Variants in SKAP1 observed in about 807,000 individuals in gnomAD.
The protein encoded by SKAP1 is src kinase associated phosphoprotein 1.
SKAP1 carries 44 observed loss-of-function variants against 58.5 expected under a neutral mutation model. The ratio of observed to expected loss-of-function variants is 0.75; its 90% CI spans 0.59 to 0.97. The LOEUF (loss-of-function observed/expected upper bound fraction) is 0.97, where lower values mean the gene tolerates loss of function less well. SKAP1 is among the 50% of genes least tolerant of loss of function. The probability of loss-of-function intolerance (pLI) is 0.00; values close to 1 mark genes in which losing one functional copy is unlikely to be tolerated. For missense variants in SKAP1, 390 were observed against 435.2 expected (o/e 0.90, Z 0.92); for synonymous variants, 127 against 149.7 (o/e 0.85, Z 1.11).
At position 48,300,450 on chromosome 17, in the gene SKAP1, G is replaced by A. The variant is rs562800136; in HGVS notation, c.280+45455C>T. Among the ~76,000 whole-genome samples the A allele has an allele frequency of 6.6e-5, 10 of 152,144 alleles. No individual in the cohort carries two copies. The South Asian group carries it at 2.1e-3, about 32-fold the overall frequency. On this transcript the variant is annotated intron_variant, in intron 4 of 12. Transcript: ENST00000336915. Reference sequence around the variant, plus strand: ...TTTGAGGACAGAAATTCCTACTTTTGTTGTGCTTCTGTGAATGTGATACTT... The same window carrying A: ...TTTGAGGACAGAAATTCCTACTTTTATTGTGCTTCTGTGAATGTGATACTT...
At chr17:48,186,790 C>T (rs1412352520) in intron 6 of SKAP1, among the ~76,000 whole-genome samples, 2 of 152,196 alleles carry the variant, frequency 1.3e-5, no homozygotes, top group East Asian at 1.9e-4. Context: ...GTTCTTTCCA[C>T]TACCTTAGTG....
At chr17:48,260,544 A>C (rs1201127572) in intron 4 of SKAP1, among the ~76,000 whole-genome samples, 1 of 152,198 alleles carries the variant, frequency 6.6e-6, no homozygotes, top group Non-Finnish European at 1.5e-5. Context: ...AGGGTCATTA[A>C]GTTGTATTAT....
At chr17:48,215,841 T>C (rs1403432805) in intron 4 of SKAP1, among the ~76,000 whole-genome samples, 1 of 152,094 alleles carries the variant, frequency 6.6e-6, no homozygotes, top group African/African-American at 2.4e-5. Context: ...CTGGTTCTAA[T>C]TGGAGACAGT....
chr17:48,368,550 A>C (rs1472686072), intron 2 of SKAP1, among the ~76,000 whole-genome samples: 1 of 152,222 alleles, frequency 6.6e-6, no homozygotes, highest in East Asian at 1.9e-4. Flanking sequence ...GATAACAAAC[A>C]CTTCTTTAAT....
At chr17:48,270,396 T>G (rs2065612817) in intron 4 of SKAP1, among the ~76,000 whole-genome samples, 1 of 151,970 alleles carries the variant, frequency 6.6e-6, no homozygotes, top group Non-Finnish European at 1.5e-5. Context: ...GAGGCTGGAG[T>G]GCAGGGGTGG....
At chr17:48,192,225 CAT>C (rs572381794) in intron 4 of SKAP1, among the ~76,000 whole-genome samples, 135 of 151,740 alleles carry the variant, frequency 8.9e-4, no homozygotes, top group Non-Finnish European at 1.5e-3. Context: ...AAATGAAAGA[CAT>C]AGGGAGATGA....
chr17:48,326,213 T>C (rs1445997796), intron 4 of SKAP1, among the ~76,000 whole-genome samples: 2 of 152,246 alleles, frequency 1.3e-5, no homozygotes, highest in Admixed American at 1.3e-4. Flanking sequence ...TACATCCTGC[T>C]CTTTGCCAGA....
At chr17:48,171,342 A>G (rs1598392851) in intron 9 of SKAP1, among the ~76,000 whole-genome samples, 1 of 150,924 alleles carries the variant, frequency 6.6e-6, no homozygotes, top group Non-Finnish European at 1.5e-5. Flanking sequence ...CTGACCTCAG[A>G]TGATCCGCCC....
intron 11 of SKAP1, among the ~76,000 whole-genome samples, chr17:48,161,749 C>A (rs1293574995): frequency 6.6e-6 from 1 of 152,086 alleles, no homozygotes; most frequent in African/African-American, 2.4e-5. Flanking sequence ...TGACTCCTCC[C>A]CCATACATAA....
chr17:48,439,964 T>C, the SKAP1 span, among the ~76,000 whole-genome samples: 27 of 152,330 alleles, frequency 1.8e-4, no homozygotes, highest in Non-Finnish European at 3.5e-4. Context: ...ACCTTCCTGT[T>C]AGAGACAGGT....
intron 4 of SKAP1, among the ~76,000 whole-genome samples, chr17:48,334,024 A>G (rs930530776): frequency 2.0e-5 from 3 of 151,960 alleles, no homozygotes; most frequent in Non-Finnish European, 2.9e-5. Flanking sequence ...TTCAGTTTCA[A>G]TTATATGATA....
intron 4 of SKAP1, among the ~76,000 whole-genome samples, chr17:48,332,746 C>A (rs1443721083): frequency 1.3e-5 from 2 of 152,046 alleles, no homozygotes; most frequent in Non-Finnish European, 2.9e-5. Context: ...AAAAATAAAA[C>A]CCACACTACT....
chr17:48,202,020 G>A (rs1400742427), intron 4 of SKAP1, among the ~76,000 whole-genome samples: 2 of 152,242 alleles, frequency 1.3e-5, no homozygotes, highest in East Asian at 1.9e-4. Flanking sequence ...AACATCTTAT[G>A]TGTGTCTGAG....
intron 9 of SKAP1, among the ~76,000 whole-genome samples, chr17:48,172,340 A>T (rs1186371838): frequency 6.6e-6 from 1 of 152,180 alleles, no homozygotes; most frequent in Non-Finnish European, 1.5e-5. Flanking sequence ...AAATGTTTAT[A>T]CGGTCAAAGT....
At chr17:48,304,633 C>T (rs952596153) in intron 4 of SKAP1, among the ~76,000 whole-genome samples, 3 of 152,170 alleles carry the variant, frequency 2.0e-5, no homozygotes, top group African/African-American at 7.2e-5. Context: ...AATGAAACAT[C>T]TTTCTCAAAA....
At chr17:48,159,355 A>G (rs2064036969) in intron 11 of SKAP1, among the ~76,000 whole-genome samples, 1 of 152,202 alleles carries the variant, frequency 6.6e-6, no homozygotes, top group Non-Finnish European at 1.5e-5. Context: ...ACAGGTGAAG[A>G]AACAAGTCCA....
intron 4 of SKAP1, among the ~76,000 whole-genome samples, chr17:48,233,945 C>T (rs975587310): frequency 6.6e-6 from 1 of 152,114 alleles, no homozygotes; most frequent in African/African-American, 2.4e-5. Flanking sequence ...ACAAGAGTTC[C>T]AAGTTGTTTG....
At chr17:48,399,204 T>C (rs1175158501) in intron 1 of SKAP1, among the ~76,000 whole-genome samples, 1 of 152,188 alleles carries the variant, frequency 6.6e-6, no homozygotes, top group African/African-American at 2.4e-5. Flanking sequence ...CTAGGGTCCT[T>C]TGAATGCTAA....
At chr17:48,406,121 C>T (rs1459201987) in intron 1 of SKAP1, among the ~76,000 whole-genome samples, 5 of 151,572 alleles carry the variant, frequency 3.3e-5, no homozygotes, top group Non-Finnish European at 7.4e-5. Context: ...AAAAATTAGT[C>T]GGGCGTGGTG....
Sources: allele counts gnomAD v4.1 joint callset (sites outside exome capture counted in the v4.1 genomes callset), GRCh38; gene constraint gnomAD v4.1.1; transcripts MANE v1.5; gene names NCBI Gene and HGNC (gene_info 2026-07-23, HGNC 2026-07-21).